The following BCL11A variants were observed in gnomAD, a reference collection of about 807,000 sequenced individuals.
BCL11A encodes B cell CLL/lymphoma 11A.
A neutral mutation model predicts 55.9 loss-of-function variants in BCL11A; 2 were observed. That is an observed-to-expected ratio of 0.04 (90% CI 0.01 to 0.11). BCL11A has a LOEUF of 0.11. Among genes scored for constraint, BCL11A ranks in the 10% least tolerant of loss-of-function variants. The pLI is 1.00. For synonymous variants in BCL11A, 465 were observed against 473.4 expected, an observed-to-expected ratio of 0.98 and a Z score of 0.23; for missense variants, 817 against 1,137.1, an observed-to-expected ratio of 0.72 and a Z score of 4.05.
In BCL11A at chr2:60,460,470, G is replaced by C; in HGVS notation, c.2442C>G (p.Thr814=). ...GCCATTTTTTCATGTGTTTCTCCAG[G>C]GTACTGTACACGCTAAAAGGCATCT... ...ICKMPFSVYS[T]LEKHMKKWHS... Residue 814 remains threonine (T), a synonymous_variant, in exon 4 of 4, where the codon ACC becomes ACG. Coordinates refer to ENST00000642384, the MANE Select transcript of BCL11A (RefSeq NM_022893.4). 4 of 1,612,148 alleles carry C rather than the reference G, an allele frequency of 2.5e-6. No homozygotes were observed. The highest frequency in any genetic ancestry group is 3.4e-6 in the Non-Finnish European group (4 of 1,178,418).
Position 60,546,070 on chromosome 2 carries a change from A to T in BCL11A, c.286T>A (p.Ser96Thr). Residue 96 changes from serine to threonine, a missense_variant, in exon 2 of 4, where the codon TCC becomes ACC. Transcript: ENST00000642384. This position sits in a 1 kb window ranked among gnomAD's most constrained non-coding sequence, Gnocchi z 4.1. ...TGGATGCCAACCTCCACGGGATTGGATGCTTTTTTCATCTCGATTGGTGAA... is the reference window on the plus strand; with the variant it reads ...TGGATGCCAACCTCCACGGGATTGGTTGCTTTTTTCATCTCGATTGGTGAA... ...SPSPIEMKKA[S>T]NPVEVGIQVT... 1.9e-6 allele frequency: 3 copies of T among 1,614,210 alleles called. No homozygotes were observed. Among genetic ancestry groups the T allele is most frequent in the Non-Finnish European group, 2.5e-6 (3 of 1,180,036 alleles).
At chr2:60,535,395 G>A (rs1236965059) in intron 2 of BCL11A, 3 of 152,090 alleles carry the variant, frequency 2.0e-5, no homozygotes, top group Non-Finnish European at 2.9e-5. Flanking sequence ...ACATCGTCAC[G>A]GACTTTGTTC....
chr2:60,550,457 A>AGGT (rs1670359222), intron 1 of BCL11A, among the ~76,000 whole-genome samples: 1 of 147,544 alleles, frequency 6.8e-6, no homozygotes, highest in Non-Finnish European at 1.5e-5. Context: ...GCCGGGCAGG[A>AGGT]GGTGGGGGAG....
chr2:60,463,674 C>G (rs1255241301), intron 3 of BCL11A, among the ~76,000 whole-genome samples: 1 of 151,728 alleles, frequency 6.6e-6, no homozygotes, highest in African/African-American at 2.4e-5. Flanking sequence ...GGGGAGATAG[C>G]TACATTAAAT....
chr2:60,530,609 T>C (rs1365503759), intron 2 of BCL11A, among the ~76,000 whole-genome samples: 2 of 151,630 alleles, frequency 1.3e-5, no homozygotes, highest in Non-Finnish European at 2.9e-5. Context: ...TTTTTTTTTT[T>C]ATTTTTTATT....
At chr2:60,467,699 A>G (rs1337476833) in intron 3 of BCL11A, among the ~76,000 whole-genome samples, 24 of 36,068 alleles carry the variant, frequency 6.7e-4, no homozygotes, top group South Asian at 2.4e-3. Context: ...GGTGGTGGTG[A>G]TGGTACTGGT....
chr2:60,475,957 T>A (rs1323421472), intron 2 of BCL11A, among the ~76,000 whole-genome samples: 2 of 152,216 alleles, frequency 1.3e-5, no homozygotes, highest in African/African-American at 4.8e-5. Flanking sequence ...TTCGTGACTT[T>A]GAATAAATCC....
At chr2:60,483,427 C>G (rs946632390) in intron 2 of BCL11A, among the ~76,000 whole-genome samples, 12 of 152,338 alleles carry the variant, frequency 7.9e-5, no homozygotes, top group Non-Finnish European at 1.6e-4. Flanking sequence ...TGAGACCAGG[C>G]AAGTCCCAGA....
intron 2 of BCL11A, among the ~76,000 whole-genome samples, chr2:60,494,908 CA>C (rs1413589514): frequency 1.3e-5 from 2 of 152,066 alleles, no homozygotes; most frequent in Non-Finnish European, 2.9e-5. Flanking sequence ...AATATGACGT[CA>C]GGGGGAGGCA....
chr2:60,492,907 T>G (rs1009617289), intron 2 of BCL11A, among the ~76,000 whole-genome samples: 9 of 152,204 alleles, frequency 5.9e-5, no homozygotes, highest in Non-Finnish European at 1.2e-4. Context: ...TACAGCTGTG[T>G]GGCCTCCACC....
downstream of BCL11A, chr2:60,451,097 T>A (rs1675705018): frequency 5.6e-6 from 1 of 180,122 alleles, no homozygotes; most frequent in Non-Finnish European, 1.2e-5. Context: ...AGTCGTGAGA[T>A]CTGTCCCAGA....
At position 60,461,670 on chromosome 2, in the gene BCL11A, G is replaced by A; in HGVS notation, c.1242C>T (p.Cys414=). Residue 414 remains cysteine (C), a synonymous_variant, in exon 4 of 4, where the codon TGC becomes TGT. Coordinates refer to ENST00000642384, the MANE Select transcript of BCL11A (RefSeq NM_022893.4). The part of the protein sequence containing the change: ...PYKCNLCDHA[C]TQASKLKRHM... ...GGCGCTTCAGCTTGCTGGCCTGGGT[G>A]CACGCGTGGTCGCACAGGTTGCACT... 1 of 1,613,954 alleles carries A rather than the reference G, an allele frequency of 6.2e-7. No homozygotes were observed. The highest frequency in any genetic ancestry group is 8.5e-7 in the Non-Finnish European group (1 of 1,180,054).
intron 2 of BCL11A, chr2:60,537,917 T>A (rs1347425908): frequency 6.6e-6 from 1 of 152,214 alleles, no homozygotes; most frequent in Non-Finnish European, 1.5e-5. Flanking sequence ...TTCGCCTCTA[T>A]CTAAAACTAA....
At chr2:60,545,586 C>G (rs973608648) in intron 2 of BCL11A, 2 of 201,840 alleles carry the variant, frequency 9.9e-6, no homozygotes, top group Admixed American at 1.1e-4. Flanking sequence ...CTGCAAATGC[C>G]TATATGGCCA....
At chr2:60,452,689 G>C (rs1165581769), downstream of BCL11A, 1 of 1,575,290 alleles carries the variant, frequency 6.3e-7, no homozygotes, top group South Asian at 1.1e-5. Context: ...TGGAGACAGA[G>C]GAGGGGGAAA....
chr2:60,514,482 C>G (rs1243382655), intron 2 of BCL11A, among the ~76,000 whole-genome samples: 1 of 142,294 alleles, frequency 7.0e-6, no homozygotes, highest in African/African-American at 2.7e-5. Flanking sequence ...CATGGTGAAA[C>G]CCCATCTCTA....
At chr2:60,526,092 A>G (rs1669191690) in intron 2 of BCL11A, 1 of 152,208 alleles carries the variant, frequency 6.6e-6, no homozygotes, top group African/African-American at 2.4e-5. Context: ...TTTTTCTATA[A>G]CAATGATTTC....
intron 2 of BCL11A, among the ~76,000 whole-genome samples, chr2:60,474,816 C>G (rs931392188): frequency 1.3e-5 from 2 of 152,130 alleles, no homozygotes; most frequent in Admixed American, 1.3e-4. Flanking sequence ...CCGCTGTGGG[C>G]AGTACAAAGA....
intron 2 of BCL11A, among the ~76,000 whole-genome samples, chr2:60,487,324 G>A (rs764849928): frequency 3.2e-4 from 48 of 152,128 alleles, no homozygotes; most frequent in Non-Finnish European, 6.2e-4. Flanking sequence ...CAGGCTTTCA[G>A]GTGTCTGCAC....
Sources: allele counts gnomAD v4.1 joint callset (sites outside exome capture counted in the v4.1 genomes callset), GRCh38; gene constraint gnomAD v4.1.1; non-coding constraint Gnocchi (gnomAD v3.1); transcripts MANE v1.5; gene names NCBI Gene and HGNC (gene_info 2026-07-23, HGNC 2026-07-21).